The following FXYD5 variants were observed in gnomAD, a reference collection of about 807,000 sequenced individuals.
FXYD5 encodes the protein FXYD domain containing ion transport regulator 5.
FXYD5 carries 21 observed loss-of-function variants against 25.7 expected under a neutral mutation model. That is an observed-to-expected ratio of 0.82 (90% CI 0.58 to 1.18). The LOEUF is 1.18. FXYD5 is among the 50% of genes most tolerant of loss of function. The probability of loss-of-function intolerance (pLI) is 0.00; values close to 1 mark genes in which losing one functional copy is unlikely to be tolerated. For missense variants in FXYD5, 229 were observed against 227.7 expected, an observed-to-expected ratio of 1.01 and a Z score of -0.04; for synonymous variants, 101 against 90.7, an observed-to-expected ratio of 1.11 and a Z score of -0.64.
intron 5 of FXYD5, among the ~76,000 whole-genome samples, chr19:35,161,857 C>T (rs569456906): frequency 1.3e-5 from 2 of 152,304 alleles, no homozygotes; most frequent in East Asian, 1.9e-4. Flanking sequence ...GGGTACTGAA[C>T]GAGAGCACCA....
In FXYD5 at chr19:35,157,431, G is replaced by A; in HGVS notation, c.72G>A (p.Leu24=). 6.3e-7 allele frequency: 1 copy of A among 1,586,638 alleles called. No individual in the cohort carries two copies. The highest frequency in any genetic ancestry group is 8.7e-7 in the Non-Finnish European group (1 of 1,155,366). ...TCCTTGATTCCCCAGGACAGACGTT[G>A]AAAGATACCACGTCCAGTTCTTCAG... The part of the protein sequence containing the change: ...GLILPTRGQT[L]KDTTSSSSAD... Residue 24 remains leucine (L), a synonymous_variant, in exon 3 of 9, where the codon TTG becomes TTA. Transcript: ENST00000392219.
At chr19:35,157,104 T>C (rs1012649824) in intron 2 of FXYD5, 7 of 235,588 alleles carry the variant, frequency 3.0e-5, no homozygotes, top group Non-Finnish European at 5.0e-5. Flanking sequence ...GGACTTCACT[T>C]GTTCCAGGTC....
intron 5 of FXYD5, among the ~76,000 whole-genome samples, chr19:35,163,044 C>A (rs527445506): frequency 9.3e-4 from 142 of 152,314 alleles, no homozygotes; most frequent in South Asian, 3.3e-3. Context: ...GGAACTGAGG[C>A]CCAGAGAGGT....
chr19:35,156,398 T>G (rs1396858723), intron 2 of FXYD5, among the ~76,000 whole-genome samples: 1 of 152,216 alleles, frequency 6.6e-6, no homozygotes, highest in Non-Finnish European at 1.5e-5. Context: ...GAAACAGCAC[T>G]GAATAAAACA....
intron 5 of FXYD5, 73 bp from the exon 6 acceptor site, chr19:35,164,083 A>G (rs750418577): frequency 1.2e-6 from 2 of 1,610,016 alleles, no homozygotes; most frequent in South Asian, 1.1e-5. Flanking sequence ...CCAGATGCAG[A>G]CTCTCAGTAA....
intron 2 of FXYD5, among the ~76,000 whole-genome samples, 200 bp from the exon 3 acceptor site, chr19:35,157,221 G>A (rs1163193299): frequency 1.3e-5 from 2 of 152,152 alleles, no homozygotes; most frequent in South Asian, 2.1e-4. Context: ...ACAGGGATGG[G>A]CGGGGAGGGG....
chr19:35,162,859 G>C (rs1196233607), intron 5 of FXYD5, among the ~76,000 whole-genome samples: 2 of 152,216 alleles, frequency 1.3e-5, no homozygotes, highest in African/African-American at 2.4e-5. Context: ...CAAAGAAAGG[G>C]AGAGCTGTTC....
At chr19:35,158,444 AC>A in intron 4 of FXYD5, 44 bp downstream of exon 4, 1 of 1,194,056 alleles carries the variant, frequency 8.4e-7, no homozygotes, top group Non-Finnish European at 1.3e-6. Flanking sequence ...ACCAAGACAA[AC>A]AAAGTTTCCC....
At chr19:35,168,930 G>A (rs1332529707) in intron 8 of FXYD5, among the ~76,000 whole-genome samples, 1 of 152,150 alleles carries the variant, frequency 6.6e-6, no homozygotes, top group Non-Finnish European at 1.5e-5. Context: ...GGGCTTGGTG[G>A]CACATGCCTG....
intron 8 of FXYD5, 119 bp downstream of exon 8, chr19:35,166,444 A>G (rs748919394): frequency 4.5e-6 from 3 of 667,890 alleles, no homozygotes; most frequent in Non-Finnish European, 5.3e-6. Context: ...TATTAGCTGC[A>G]TATACATACA....
intron 5 of FXYD5, among the ~76,000 whole-genome samples, chr19:35,163,477 G>C (rs2065423498): frequency 6.6e-6 from 1 of 151,182 alleles, no homozygotes; most frequent in Admixed American, 6.6e-5. Context: ...ATTCAGAATA[G>C]TTTTGTTGTT....
chr19:35,155,474 C>A, intron 1 of FXYD5, 77 bp from the exon 2 acceptor site: 2 of 1,207,812 alleles, frequency 1.7e-6, no homozygotes, highest in Non-Finnish European at 2.4e-6. Flanking sequence ...AGGGAAAGGG[C>A]TGCAGGATCC....
Position 35,164,246 on chromosome 19 carries a change from G to A in FXYD5, c.382+1G>A, listed in dbSNP as rs1254005942. On this transcript the variant is annotated splice_donor_variant, in intron 6 of 8. Coordinates refer to ENST00000392219, the MANE Select transcript of FXYD5 (RefSeq NM_014164.6). LOFTEE classifies it high-confidence loss of function. The stretch of plus-strand genomic sequence containing the variant: ...GACCCCCAGACCCTCAAGCCATCTG[G>A]TTAGTAACTGCCTCCCCAGACTGGA... 1 of 1,609,140 alleles carries A rather than the reference G, an allele frequency of 6.2e-7. No homozygotes were observed.
chr19:35,159,715 G>A lies in FXYD5; in HGVS notation c.200-994G>A, dbSNP rs2065388092. On this transcript the variant is annotated intron_variant, in intron 4 of 8. Transcript: ENST00000392219. ...GTATGTTAACTCATTCAACCTTCAC[G>A]CAAACCCTAAGAGGCAGAAATTACC... is the stretch of plus-strand genomic sequence containing the variant. 8 of 1,452,702 alleles carry A rather than the reference G, an allele frequency of 5.5e-6. No individual in the cohort carries two copies. In the South Asian group the frequency reaches 1.2e-4, roughly 21 times the overall value. The allele number at this position is 1,452,702 out of a possible 1,614,324, so 90.0% of individuals were successfully genotyped here.
intron 8 of FXYD5, 95 bp from the exon 9 acceptor site, chr19:35,169,471 G>A (rs189072290): frequency 1.1e-6 from 1 of 926,738 alleles, no homozygotes; most frequent in African/African-American, 1.6e-5. Flanking sequence ...TTTCCCGAGG[G>A]GCAGGGTTGA....
chr19:35,155,012 C>T (rs1633925), intron 1 of FXYD5: 54,448 of 165,586 alleles, frequency 0.33, 10,411 homozygotes, highest in African/African-American at 0.54. Context: ...CTGCCACCCC[C>T]CTCGGACCAG....
Position 35,157,465 on chromosome 19 carries a change from A to C in FXYD5, c.106A>C (p.Thr36Pro), listed in dbSNP as rs1463867102. ...DTTSSSSADS[T>P]IMDIQVPTRA... Reference sequence around the variant, plus strand: ...CACGTCCAGTTCTTCAGCAGACTCAACTATCATGGACATTCAGGTCCCGAC... The same window carrying C: ...CACGTCCAGTTCTTCAGCAGACTCACCTATCATGGACATTCAGGTCCCGAC... The change falls in exon 3 of 9, where the codon ACT (threonine) becomes CCT (proline). Residue 36 changes from threonine (T) to proline (P), a missense_variant. Physicochemically the swap from Thr to Pro is conservative, Grantham distance 38. Transcript: ENST00000392219. The C allele has an allele frequency of 1.3e-6, 2 of 1,590,604 alleles. No individual in the cohort carries two copies. The highest frequency in any genetic ancestry group is 1.7e-6 in the Non-Finnish European group (2 of 1,158,838).
intron 5 of FXYD5, among the ~76,000 whole-genome samples, chr19:35,161,973 TC>T (rs2065410416): frequency 6.6e-6 from 1 of 152,192 alleles, no homozygotes; most frequent in Non-Finnish European, 1.5e-5. Context: ...ATTAAAACAA[TC>T]CTACAATGGA....
At chr19:35,161,387 C>CTCCCCTCTTGATGGCAGAGATGG (rs2065404594) in intron 5 of FXYD5, among the ~76,000 whole-genome samples, 1 of 152,210 alleles carries the variant, frequency 6.6e-6, no homozygotes, top group Non-Finnish European at 1.5e-5. Flanking sequence ...CTACTAACTT[C>CTCCCCTCTTGATGGCAGAGATGG]TCCCCTCTTG....
Sources: allele counts gnomAD v4.1 joint callset (sites outside exome capture counted in the v4.1 genomes callset), GRCh38; gene constraint gnomAD v4.1.1; transcripts MANE v1.5; gene names NCBI Gene and HGNC (gene_info 2026-07-23, HGNC 2026-07-21).